STXBP6: variants seen among roughly 807,000 people sequenced by gnomAD.
The protein encoded by STXBP6 is syntaxin-binding protein 6.
Under a neutral mutation model 26.9 loss-of-function variants are expected in STXBP6, and 21 were observed. That is an observed-to-expected ratio of 0.78 (90% CI 0.55 to 1.12). The LOEUF (loss-of-function observed/expected upper bound fraction) is 1.12. Among genes scored for constraint, STXBP6 ranks in the 50% most tolerant of loss-of-function variants. STXBP6 has a pLI of 0.00. For synonymous variants in STXBP6, 97 were observed against 92.6 expected (o/e 1.05, Z -0.27); for missense variants, 232 against 257.9 (o/e 0.90, Z 0.69).
chr14:24,927,241 C>T (rs2072210089), intron 2 of STXBP6, among the ~76,000 whole-genome samples: 1 of 152,164 alleles, frequency 6.6e-6, no homozygotes, highest in South Asian at 2.1e-4. Context: ...TGGTATTCCA[C>T]ACTTCTATAC....
chr14:24,866,586 G>A (rs2069730580), intron 2 of STXBP6, among the ~76,000 whole-genome samples: 1 of 151,942 alleles, frequency 6.6e-6, no homozygotes, highest in South Asian at 2.1e-4. Context: ...GTTTAACCAA[G>A]AAGTGTAAGA....
chr14:24,952,019 ATACT>A (rs1217994355), intron 2 of STXBP6, among the ~76,000 whole-genome samples: 10 of 151,244 alleles, frequency 6.6e-5, no homozygotes, highest in African/African-American at 2.2e-4. Flanking sequence ...CATATTTAAA[ATACT>A]TATATATATA....
chr14:24,824,472 T>C (rs1174293855), intron 4 of STXBP6, among the ~76,000 whole-genome samples: 1 of 152,216 alleles, frequency 6.6e-6, no homozygotes, highest in Non-Finnish European at 1.5e-5. Flanking sequence ...ATGCAAAGCC[T>C]ACCCGGTGAT....
chr14:24,857,331 TA>T (rs2069374249), intron 2 of STXBP6, among the ~76,000 whole-genome samples, 174 bp from the exon 3 acceptor site: 1 of 152,056 alleles, frequency 6.6e-6, no homozygotes, highest in Non-Finnish European at 1.5e-5. Flanking sequence ...GGGGTGAACG[TA>T]AAGGAAATAG....
intron 2 of STXBP6, among the ~76,000 whole-genome samples, chr14:24,893,738 C>A (rs1008634327): frequency 3.9e-5 from 6 of 152,092 alleles, no homozygotes; most frequent in African/African-American, 1.4e-4. Context: ...AATATATGTA[C>A]CTCCCATTAA....
At chr14:25,024,642 T>A (rs1039843989) in intron 1 of STXBP6, among the ~76,000 whole-genome samples, 7 of 151,946 alleles carry the variant, frequency 4.6e-5, no homozygotes, top group Admixed American at 6.6e-5. Context: ...ATTCTAATAC[T>A]GAGAATAATT....
At chr14:24,914,399 T>C (rs1184329572) in intron 2 of STXBP6, among the ~76,000 whole-genome samples, 2 of 152,178 alleles carry the variant, frequency 1.3e-5, no homozygotes, top group Non-Finnish European at 2.9e-5. Context: ...TTTTACTTTT[T>C]TTAAAAATGA....
chr14:25,014,145 T>G (rs2075095291), intron 1 of STXBP6, among the ~76,000 whole-genome samples: 1 of 152,116 alleles, frequency 6.6e-6, no homozygotes, highest in South Asian at 2.1e-4. Flanking sequence ...GCACATAGGG[T>G]CTGCTATTAT....
chr14:24,830,689 G>C (rs1261106656), intron 4 of STXBP6, among the ~76,000 whole-genome samples: 1 of 152,140 alleles, frequency 6.6e-6, no homozygotes, highest in Non-Finnish European at 1.5e-5. Context: ...AAGAAGCTCT[G>C]CGGAGAAGTC....
intron 2 of STXBP6, among the ~76,000 whole-genome samples, chr14:24,922,605 A>C (rs958681310): frequency 1.3e-5 from 2 of 152,052 alleles, no homozygotes; most frequent in African/African-American, 2.4e-5. Context: ...AGGTCCTACA[A>C]GTACACAGGG....
At chr14:24,897,148 T>C (rs12894673) in intron 2 of STXBP6, among the ~76,000 whole-genome samples, 50,942 of 151,578 alleles carry the variant, frequency 0.34, 8,601 homozygotes, top group African/African-American at 0.41. Context: ...CGGTGGCTCA[T>C]GCCTGTAATC....
chr14:25,048,305 G>C (rs2075755680), intron 1 of STXBP6, among the ~76,000 whole-genome samples: 1 of 152,208 alleles, frequency 6.6e-6, no homozygotes, highest in Non-Finnish European at 1.5e-5. Flanking sequence ...CCCTGCAATG[G>C]AGGGAGGTAA....
intron 4 of STXBP6, among the ~76,000 whole-genome samples, chr14:24,830,786 G>GGGAA (rs1339303773): frequency 6.6e-6 from 1 of 152,086 alleles, no homozygotes; most frequent in Non-Finnish European, 1.5e-5. Flanking sequence ...AAAGAGAGAA[G>GGGAA]GGAAGGGGCT....
chr14:24,846,379 T>C (rs894092283), intron 4 of STXBP6, among the ~76,000 whole-genome samples: 1 of 152,186 alleles, frequency 6.6e-6, no homozygotes, highest in Non-Finnish European at 1.5e-5. Context: ...TTCTTTCTGT[T>C]TGTATCTTTG....
intron 2 of STXBP6, among the ~76,000 whole-genome samples, chr14:24,916,776 G>A (rs1434744109): frequency 6.6e-6 from 1 of 152,080 alleles, no homozygotes; most frequent in Non-Finnish European, 1.5e-5. Flanking sequence ...TGTTAGAAAT[G>A]TGGAATCTCA....
chr14:24,907,895 A>T (rs2071439391), intron 2 of STXBP6, among the ~76,000 whole-genome samples: 2 of 151,806 alleles, frequency 1.3e-5, no homozygotes, highest in African/African-American at 4.8e-5. Context: ...TGTCTTGGCT[A>T]CACTTTCTTC....
At chr14:24,941,262 G>A (rs1035303948) in intron 2 of STXBP6, among the ~76,000 whole-genome samples, 1 of 152,204 alleles carries the variant, frequency 6.6e-6, no homozygotes, top group Non-Finnish European at 1.5e-5. Context: ...CTACCATCTA[G>A]TGGGAGAGTA....
At chr14:24,835,588 T>C (rs920888601) in intron 4 of STXBP6, among the ~76,000 whole-genome samples, 4 of 152,150 alleles carry the variant, frequency 2.6e-5, no homozygotes, top group African/African-American at 4.8e-5. Flanking sequence ...AAAATAAACA[T>C]AGATCATCTA....
chr14:24,830,233 G>A (rs1173310274), intron 4 of STXBP6, among the ~76,000 whole-genome samples: 1 of 152,040 alleles, frequency 6.6e-6, no homozygotes, highest in African/African-American at 2.4e-5. Context: ...GAAGCCATTG[G>A]AGTGTTTTAA....
Sources: allele counts gnomAD v4.1 joint callset (sites outside exome capture counted in the v4.1 genomes callset), GRCh38; gene constraint gnomAD v4.1.1; transcripts MANE v1.5; gene names NCBI Gene and HGNC (gene_info 2026-07-23, HGNC 2026-07-21).